SNX29: variants seen among roughly 807,000 people sequenced by gnomAD.
SNX29 encodes the protein sorting nexin 29.
Under a neutral mutation model 102.1 loss-of-function variants are expected in SNX29, and 78 were observed. That is an observed-to-expected ratio of 0.76 (90% CI 0.64 to 0.92). SNX29 has a LOEUF of 0.92. Ranked by LOEUF, SNX29 falls within the 40% of genes least tolerant of loss-of-function variation. The probability of loss-of-function intolerance (pLI) is 0.00; values close to 1 mark genes in which losing one functional copy is unlikely to be tolerated. For synonymous variants in SNX29, 580 were observed against 414.5 expected (o/e 1.40, Z -4.85); for missense variants, 1,280 against 1,061.7 (o/e 1.21, Z -2.86).
At chr16:12,006,862 T>C (rs1341172200) in intron 3 of SNX29, among the ~76,000 whole-genome samples, 3 of 152,140 alleles carry the variant, frequency 2.0e-5, no homozygotes, top group Non-Finnish European at 2.9e-5. Flanking sequence ...CAAGTGATCC[T>C]CCCACCTTGG....
At chr16:12,318,773 A>G (rs1388716624) in intron 15 of SNX29, among the ~76,000 whole-genome samples, 1 of 152,088 alleles carries the variant, frequency 6.6e-6, no homozygotes, top group African/African-American at 2.4e-5. Context: ...TCAAAATTAC[A>G]AAGTTTCCCG....
intron 19 of SNX29, among the ~76,000 whole-genome samples, chr16:12,505,992 G>A (rs559541095): frequency 2.6e-5 from 4 of 152,188 alleles, no homozygotes; most frequent in South Asian, 2.1e-4. Flanking sequence ...ACAGAGTCTC[G>A]CTCTGTCACC....
At chr16:11,983,793 G>A in intron 1 of SNX29, 1 of 737,982 alleles carries the variant, frequency 1.4e-6, no homozygotes, top group Non-Finnish European at 1.7e-6. Flanking sequence ...CCAAATTGTG[G>A]CAATGTGAGC....
chr16:12,008,421 C>T (rs1442812377), intron 3 of SNX29, among the ~76,000 whole-genome samples: 1 of 151,950 alleles, frequency 6.6e-6, no homozygotes, highest in Non-Finnish European at 1.5e-5. Flanking sequence ...AGGTGTGTAC[C>T]ACCATGCCTG....
Position 12,126,718 on chromosome 16 carries a change from A to C in SNX29, c.1466+22A>C, listed in dbSNP as rs373638039. The C allele has an allele frequency of 1.2e-5, 20 of 1,613,052 alleles. No homozygotes were observed. The African/African-American group carries it at 2.7e-4, about 21-fold the overall frequency. The stretch of plus-strand genomic sequence containing the variant: ...ACAGGTACCGTGATTTTCAGGCTTG[A>C]GGAATAGCCTCTTTCTTTGACATTC... On this transcript the variant is annotated intron_variant, in intron 12 of 20. Transcript: ENST00000566228.
At chr16:12,278,859 A>G (rs1274864464) in intron 15 of SNX29, among the ~76,000 whole-genome samples, 1 of 152,216 alleles carries the variant, frequency 6.6e-6, no homozygotes, top group African/African-American at 2.4e-5. Context: ...TGGGAAATTC[A>G]TCCATGTAAG....
At chr16:12,566,308 C>T (rs951658785) in intron 20 of SNX29, among the ~76,000 whole-genome samples, 10 of 152,214 alleles carry the variant, frequency 6.6e-5, no homozygotes, top group Non-Finnish European at 1.5e-5. Context: ...TGCCTCCAAG[C>T]TATGTCCTCT....
At chr16:12,315,029 C>T (rs537363043) in intron 15 of SNX29, among the ~76,000 whole-genome samples, 39 of 152,328 alleles carry the variant, frequency 2.6e-4, no homozygotes, top group African/African-American at 9.4e-4. Context: ...CAATTCTGTT[C>T]CCTAATTTTC....
intron 2 of SNX29, among the ~76,000 whole-genome samples, chr16:12,002,012 C>A (rs572990372): frequency 1.4e-3 from 95 of 67,280 alleles, no homozygotes; most frequent in South Asian, 5.7e-4. Context: ...AGAGAGAGAC[C>A]CTATTTTTTT....
chr16:12,228,916 C>T (rs890260106), intron 14 of SNX29, among the ~76,000 whole-genome samples: 2 of 152,250 alleles, frequency 1.3e-5, no homozygotes, highest in African/African-American at 2.4e-5. Flanking sequence ...GCAGTGACCA[C>T]ACGAGGGAGC....
Position 12,570,438 on chromosome 16 carries a change from C to CGTTT in SNX29, c.*1809_*1810insGTTT, listed in dbSNP as rs2079163148. 2 of 243,534 alleles carry CGTTT rather than the reference C, an allele frequency of 8.2e-6. No individual in the cohort carries two copies. The highest frequency in any genetic ancestry group is 1.6e-5 in the Non-Finnish European group (2 of 127,716). 15.1% of individuals were successfully genotyped at this position (243,534 alleles called of 1,614,324 possible). A position where few individuals can be genotyped will look rare whatever the true frequency, so the allele number is the denominator to read the frequency against. ...ATGACTGGCAACTCTAAATAGAGAG[C>CGTTT]CCTAATGGACTGAGGCAGGAAACGT... On this transcript the variant is annotated 3_prime_UTR_variant, in exon 21 of 21. Transcript: ENST00000566228.
intron 18 of SNX29, among the ~76,000 whole-genome samples, 197 bp downstream of exon 18, chr16:12,403,726 G>A (rs2084053481): frequency 6.6e-6 from 1 of 152,144 alleles, no homozygotes; most frequent in Non-Finnish European, 1.5e-5. Flanking sequence ...GATACGGTGG[G>A]CCTCTTCGTG....
At chr16:12,431,031 T>C (rs945116343) in intron 18 of SNX29, among the ~76,000 whole-genome samples, 1 of 152,144 alleles carries the variant, frequency 6.6e-6, no homozygotes, top group African/African-American at 2.4e-5. Flanking sequence ...TTTGTATTTT[T>C]AGTAGAGACG....
At chr16:12,243,814 C>T (rs1296447599) in intron 14 of SNX29, among the ~76,000 whole-genome samples, 2 of 152,210 alleles carry the variant, frequency 1.3e-5, no homozygotes, top group African/African-American at 4.8e-5. Context: ...CCTCCTGGTG[C>T]ACCTGCATCA....
At chr16:12,539,922 C>T (rs1270605880) in intron 20 of SNX29, among the ~76,000 whole-genome samples, 1 of 152,116 alleles carries the variant, frequency 6.6e-6, no homozygotes, top group Non-Finnish European at 1.5e-5. Flanking sequence ...TTTGGGAGTT[C>T]TTTGTATATG....
At chr16:12,214,669 A>G (rs757889132) in intron 14 of SNX29, among the ~76,000 whole-genome samples, 3 of 151,752 alleles carry the variant, frequency 2.0e-5, no homozygotes, top group Non-Finnish European at 4.4e-5. Flanking sequence ...TTATGGCTTC[A>G]CTTGCATTCT....
At chr16:12,538,991 C>G (rs766203213) in intron 20 of SNX29, among the ~76,000 whole-genome samples, 5 of 152,192 alleles carry the variant, frequency 3.3e-5, no homozygotes, top group African/African-American at 7.2e-5. Context: ...GAAGATAGAA[C>G]AGACCAGTAA....
chr16:12,402,551 T>C (rs1044043918), intron 17 of SNX29, among the ~76,000 whole-genome samples: 8 of 152,242 alleles, frequency 5.3e-5, no homozygotes, highest in African/African-American at 1.9e-4. Context: ...GACAGTCAGC[T>C]TATTCGCTCT....
At chr16:12,465,980 A>G (rs898944441) in intron 18 of SNX29, among the ~76,000 whole-genome samples, 2 of 152,178 alleles carry the variant, frequency 1.3e-5, no homozygotes, top group African/African-American at 2.4e-5. Context: ...TGAATGAGGT[A>G]TAGAAGGATG....
Sources: allele counts gnomAD v4.1 joint callset (sites outside exome capture counted in the v4.1 genomes callset), GRCh38; gene constraint gnomAD v4.1.1; transcripts MANE v1.5; gene names NCBI Gene and HGNC (gene_info 2026-07-23, HGNC 2026-07-21).